Variants in PIP5K1B observed in about 807,000 individuals in gnomAD.
PIP5K1B encodes phosphatidylinositol-4-phosphate 5-kinase type 1 beta, also known as phosphatidylinositol 4-phosphate 5-kinase type-1 beta.
Under a neutral mutation model 67.0 loss-of-function variants are expected in PIP5K1B, and 42 were observed. The ratio of observed to expected loss-of-function variants is 0.63; its 90% CI spans 0.49 to 0.81. The LOEUF (loss-of-function observed/expected upper bound fraction) is 0.81, where lower values mean the gene tolerates loss of function less well. Among genes scored for constraint, PIP5K1B ranks in the 30% least tolerant of loss-of-function variants. PIP5K1B has a pLI of 0.00. For missense variants in PIP5K1B, 459 were observed against 646.3 expected (o/e 0.71, Z 3.14); for synonymous variants, 214 against 231.4 (o/e 0.92, Z 0.68).
intron 2 of PIP5K1B, among the ~76,000 whole-genome samples, chr9:68,769,726 C>G (rs974514924): frequency 6.6e-6 from 1 of 152,070 alleles, no homozygotes; most frequent in African/African-American, 2.4e-5. Flanking sequence ...TTTCTTACCT[C>G]TAGTTATTTC....
In PIP5K1B at chr9:68,811,172, C is replaced by T. The variant is rs139386418; in HGVS notation, c.-85-7289C>T. ...AGCTATAACAATAGAAACGTGTGTA[C>T]CAGTTCCTAGCCTACCTCCCAATCC... On this transcript the variant is annotated intron_variant, in intron 2 of 15. Coordinates refer to ENST00000265382, the MANE Select transcript of PIP5K1B (RefSeq NM_003558.4). Among the ~76,000 whole-genome samples the T allele has an allele frequency of 5.9e-5, 9 of 152,158 alleles. 1 individual carries two copies. Among genetic ancestry groups the T allele is most frequent in the South Asian group, 2.1e-4 (1 of 4,820 alleles).
At chr9:68,963,407 G>A (rs537680757) in intron 14 of PIP5K1B, 28 of 290,648 alleles carry the variant, frequency 9.6e-5, no homozygotes, top group African/African-American at 6.0e-4. Context: ...AGAGGCTGAG[G>A]CAGGAGAATC....
At chr9:68,727,857 C>T (rs1828231225) in intron 1 of PIP5K1B, among the ~76,000 whole-genome samples, 1 of 152,198 alleles carries the variant, frequency 6.6e-6, no homozygotes, top group African/African-American at 2.4e-5. Flanking sequence ...GGTGCTCCTT[C>T]ATCCTAATTA....
chr9:68,857,959 T>TTTGTTGTTGTTGTTGTTGTTG lies in PIP5K1B; in HGVS notation c.70-5866_70-5846dup, dbSNP rs71353086. 4.5e-3 allele frequency among the ~76,000 whole-genome samples: 671 copies of TTTGTTGTTGTTGTTGTTGTTG among 149,420 alleles called. 1 individual carries two copies. The highest frequency in any genetic ancestry group is 0.012 in the East Asian group (59 of 5,032). ...CATATAAGAATTACTCTCTTGCTGT[T>TTTGTTGTTGTTGTTGTTGTTG]TTGTTGTTGTTGTTGTTGTTGTTGT... On this transcript the variant is annotated intron_variant, in intron 4 of 15. Coordinates refer to ENST00000265382, the MANE Select transcript of PIP5K1B (RefSeq NM_003558.4).
chr9:68,954,987 G>C (rs911679475), intron 14 of PIP5K1B, among the ~76,000 whole-genome samples: 4 of 152,224 alleles, frequency 2.6e-5, no homozygotes, highest in African/African-American at 9.7e-5. Flanking sequence ...GCCCTTGAGA[G>C]ACTATAATAT....
At chr9:69,001,082 T>A (rs1223444020) in intron 15 of PIP5K1B, among the ~76,000 whole-genome samples, 1 of 151,886 alleles carries the variant, frequency 6.6e-6, no homozygotes, top group South Asian at 2.1e-4. Context: ...TTTTTATTTT[T>A]TTTTTGTAAT....
intron 4 of PIP5K1B, 118 bp from the exon 5 acceptor site, chr9:68,863,719 C>A: frequency 5.1e-6 from 4 of 789,002 alleles, no homozygotes; most frequent in South Asian, 5.4e-5. Context: ...AAACCTCAGC[C>A]TCGTCATTGT....
At chr9:68,974,367 C>T (rs530488356) in intron 14 of PIP5K1B, among the ~76,000 whole-genome samples, 3 of 152,334 alleles carry the variant, frequency 2.0e-5, no homozygotes, top group Admixed American at 1.3e-4. Flanking sequence ...TTCTAATGCA[C>T]ATTAAAGCTT....
At chr9:68,924,627 A>G (rs970439405) in intron 12 of PIP5K1B, among the ~76,000 whole-genome samples, 1 of 152,068 alleles carries the variant, frequency 6.6e-6, no homozygotes, top group Admixed American at 6.5e-5. Context: ...AGATATGTGA[A>G]AGGAGAAAAT....
chr9:68,737,036 T>C (rs1828772624), intron 1 of PIP5K1B, among the ~76,000 whole-genome samples: 1 of 152,212 alleles, frequency 6.6e-6, no homozygotes, highest in South Asian at 2.1e-4. Flanking sequence ...CTTCTTTTCT[T>C]TCAGATTGTG....
chr9:68,956,425 T>A (rs1327513646), intron 14 of PIP5K1B, among the ~76,000 whole-genome samples: 2 of 152,150 alleles, frequency 1.3e-5, no homozygotes, highest in African/African-American at 4.8e-5. Context: ...GCCAAAATCG[T>A]GCCACTGCAC....
chr9:68,728,654 T>C (rs1828266853), intron 1 of PIP5K1B: 1 of 152,132 alleles, frequency 6.6e-6, no homozygotes, highest in Non-Finnish European at 1.5e-5. Flanking sequence ...CTTGAGATAC[T>C]GGGGGAAACC....
chr9:68,761,918 A>G (rs1423446597), intron 2 of PIP5K1B, among the ~76,000 whole-genome samples: 1 of 152,116 alleles, frequency 6.6e-6, no homozygotes, highest in Non-Finnish European at 1.5e-5. Flanking sequence ...GGCAGCCATT[A>G]TTCTGCCTAT....
chr9:68,771,171 A>C (rs952667059), intron 2 of PIP5K1B, among the ~76,000 whole-genome samples: 1 of 152,196 alleles, frequency 6.6e-6, no homozygotes. Flanking sequence ...CCTGCTGATG[A>C]AAGTTAGTGA....
intron 14 of PIP5K1B, among the ~76,000 whole-genome samples, chr9:68,989,429 G>T (rs1204669901): frequency 6.6e-6 from 1 of 152,080 alleles, no homozygotes; most frequent in East Asian, 1.9e-4. Flanking sequence ...CCCCAGCCCT[G>T]CCCTCAGCTC....
chr9:68,722,935 C>T (rs981020825), intron 1 of PIP5K1B, among the ~76,000 whole-genome samples: 1 of 152,196 alleles, frequency 6.6e-6, no homozygotes, highest in Admixed American at 6.5e-5. Context: ...TAACCAATTT[C>T]TCTTCATCCC....
intron 2 of PIP5K1B, among the ~76,000 whole-genome samples, chr9:68,794,032 T>C (rs1832149128): frequency 6.6e-6 from 1 of 152,140 alleles, no homozygotes; most frequent in Admixed American, 6.5e-5. Flanking sequence ...GATGGAGTGA[T>C]GGTGTGTCAG....
chr9:68,811,359 T>C (rs1356627407), intron 2 of PIP5K1B, among the ~76,000 whole-genome samples: 2 of 152,080 alleles, frequency 1.3e-5, no homozygotes, highest in Non-Finnish European at 2.9e-5. Context: ...TCATCCCATA[T>C]AGGATGCATT....
intron 4 of PIP5K1B, among the ~76,000 whole-genome samples, chr9:68,829,292 CA>C (rs2132101062): frequency 6.6e-6 from 1 of 152,254 alleles, no homozygotes; most frequent in African/African-American, 2.4e-5. Context: ...ATAAAACAAG[CA>C]AACTCGTTTG....
Sources: gnomAD v4.1 joint callset for allele counts (sites outside exome capture counted in the v4.1 genomes callset) on GRCh38, gnomAD v4.1.1 for gene constraint, MANE v1.5 for transcripts, NCBI Gene and HGNC (gene_info 2026-07-23, HGNC 2026-07-21) for gene names.